MYO7A: variants seen among roughly 807,000 people sequenced by gnomAD.
MYO7A encodes myosin VIIA.
MYO7A carries 210 observed loss-of-function variants against 263.8 expected under a neutral mutation model. That is an observed-to-expected ratio of 0.80 (90% confidence interval 0.71 to 0.89). The LOEUF (loss-of-function observed/expected upper bound fraction) is 0.89, where lower values mean the gene tolerates loss of function less well. Among genes scored for constraint, MYO7A ranks in the 40% least tolerant of loss-of-function variants. The pLI is 0.00. For missense variants in MYO7A, 2,820 were observed against 2,968.3 expected, an observed-to-expected ratio of 0.95 and a Z score of 1.16; for synonymous variants, 1,239 against 1,197.3, an observed-to-expected ratio of 1.03 and a Z score of -0.72.
At position 77,183,191 on chromosome 11, in the gene MYO7A, G is replaced by A. The variant is rs1555086093; in HGVS notation, c.3375+34G>A. Reference sequence around the variant, plus strand: ...AGACGCTGGGGGTCTGGCAGCCCAGGGGTGGCTGCCTTAGGTGGCCTAGGC... The same window carrying A: ...AGACGCTGGGGGTCTGGCAGCCCAGAGGTGGCTGCCTTAGGTGGCCTAGGC... On this transcript the variant is annotated intron_variant, in intron 26 of 48. Coordinates refer to ENST00000409709, the MANE Select transcript of MYO7A (RefSeq NM_000260.4). The A allele has an allele frequency of 4.6e-6, 7 of 1,529,846 alleles. No individual in the cohort carries two copies. In the Admixed American group the frequency reaches 5.9e-5, roughly 13 times the overall value. 94.8% of individuals were successfully genotyped at this position (1,529,846 alleles called of 1,614,324 possible).
intron 32 of MYO7A, among the ~76,000 whole-genome samples, chr11:77,197,170 A>T (rs1162049463): frequency 1.3e-5 from 2 of 152,114 alleles, no homozygotes; most frequent in Non-Finnish European, 2.9e-5. Flanking sequence ...GGCCTCCCAC[A>T]TGCTCTGCCT....
At chr11:77,165,220 C>A (rs1023411091) in intron 14 of MYO7A, among the ~76,000 whole-genome samples, 1 of 152,248 alleles carries the variant, frequency 6.6e-6, no homozygotes, top group Non-Finnish European at 1.5e-5. Context: ...AGCACTGGAT[C>A]TCTGTGCTGT....
intron 11 of MYO7A, 37 bp from the exon 12 acceptor site, chr11:77,160,936 G>T (rs1555068116): frequency 1.3e-6 from 2 of 1,574,432 alleles, no homozygotes; most frequent in South Asian, 1.2e-5. Context: ...CCGGGGGAGG[G>T]TGTGGCTGGT....
intron 16 of MYO7A, among the ~76,000 whole-genome samples, chr11:77,174,343 C>G (rs1354208325): frequency 1.3e-5 from 2 of 152,214 alleles, no homozygotes; most frequent in Admixed American, 6.5e-5. Context: ...ACAGCCATAA[C>G]TTGGCCTGGA....
chr11:77,166,012 C>A, intron 14 of MYO7A, 44 bp from the exon 15 acceptor site: 1 of 1,451,302 alleles, frequency 6.9e-7, no homozygotes, highest in Non-Finnish European at 9.6e-7. Flanking sequence ...TTGGGGAGGG[C>A]CTGCCAGAGC....
chr11:77,147,953 G>T lies in MYO7A; in HGVS notation c.285+3G>T, dbSNP rs782441263. 1.3e-6 allele frequency: 2 copies of T among 1,542,780 alleles called. No individual in the cohort carries two copies. Among genetic ancestry groups the T allele is most frequent in the Admixed American group, 3.9e-5 (2 of 50,810 alleles). Reference sequence around the variant, plus strand: ...GCTACCGGGACCACCTCATCTACGTGAGTGCCGCCCCGCCCGGTGCCCGTC... The same window carrying T: ...GCTACCGGGACCACCTCATCTACGTTAGTGCCGCCCCGCCCGGTGCCCGTC... On this transcript the variant is annotated splice_donor_region_variant and intron_variant, in intron 4 of 48. Coordinates refer to ENST00000409709, the MANE Select transcript of MYO7A (RefSeq NM_000260.4).
intron 32 of MYO7A, among the ~76,000 whole-genome samples, chr11:77,196,431 T>G (rs11237112): frequency 6.6e-6 from 1 of 151,840 alleles, no homozygotes; most frequent in African/African-American, 2.4e-5. Context: ...GGGTGAGGAC[T>G]TTAATACGCA....
Position 77,192,190 on chromosome 11 carries a change from AC to A in MYO7A, c.4065del (p.His1355GlnfsTer44), listed in dbSNP as rs111033202. On this transcript the variant is annotated frameshift_variant, in exon 31 of 49. Coordinates refer to ENST00000409709, the MANE Select transcript of MYO7A (RefSeq NM_000260.4). LOFTEE classifies it high-confidence loss of function. ...FFRKEVFTPW[H>X]SPSEDNVATN... ...CGCAAAGAGGTCTTCACGCCCTGGCACAGCCCCTCCGAGGACAACGTGGCCA... is the reference window on the plus strand; with the variant it reads ...CGCAAAGAGGTCTTCACGCCCTGGCAAGCCCCTCCGAGGACAACGTGGCCA... 1.2e-6 allele frequency: 2 copies of A among 1,613,916 alleles called. No homozygotes were observed. The highest frequency in any genetic ancestry group is 1.7e-6 in the Non-Finnish European group (2 of 1,179,906).
At chr11:77,187,044 G>C (rs1229774259) in intron 27 of MYO7A, among the ~76,000 whole-genome samples, 1 of 152,136 alleles carries the variant, frequency 6.6e-6, no homozygotes. Flanking sequence ...TGAGATGGGG[G>C]AATGGCTGGT....
At chr11:77,160,884 C>G (rs1329190329) in intron 11 of MYO7A, 89 bp from the exon 12 acceptor site, 12 of 1,467,036 alleles carry the variant, frequency 8.2e-6, no homozygotes, top group Non-Finnish European at 1.1e-5. Flanking sequence ...CACACAAGGG[C>G]TGGAGCGACA....
At chr11:77,173,492 G>A (rs1555077919) in intron 16 of MYO7A, among the ~76,000 whole-genome samples, 1 of 152,232 alleles carries the variant, frequency 6.6e-6, no homozygotes, top group African/African-American at 2.4e-5. Flanking sequence ...AACAGCCCGT[G>A]AGAAAGGGAC....
intron 15 of MYO7A, among the ~76,000 whole-genome samples, chr11:77,169,015 G>A (rs1320579461): frequency 2.6e-5 from 4 of 152,184 alleles, no homozygotes; most frequent in African/African-American, 7.2e-5. Flanking sequence ...CTCCATAAAC[G>A]TCACATCTTA....
chr11:77,161,980 A>G (rs532206066), intron 12 of MYO7A, 140 bp from the exon 13 acceptor site: 20 of 799,190 alleles, frequency 2.5e-5, no homozygotes, highest in Non-Finnish European at 3.6e-5. Context: ...TGGACTTGAC[A>G]ATTCCCCTCG....
At chr11:77,147,223 C>A (rs1281547090) in intron 3 of MYO7A, among the ~76,000 whole-genome samples, 2 of 152,012 alleles carry the variant, frequency 1.3e-5, no homozygotes, top group South Asian at 4.2e-4. Flanking sequence ...CCTCTGCCCC[C>A]CTCCCCCTAA....
Position 77,161,080 on chromosome 11 carries a change from G to A in MYO7A, c.1308G>A (p.Leu436=), listed in dbSNP as rs369479777. 3.5e-5 allele frequency: 56 copies of A among 1,613,882 alleles called. No homozygotes were observed. Among genetic ancestry groups the A allele is most frequent in the Non-Finnish European group, 4.7e-5 (55 of 1,179,894 alleles). ...ACTCTCGCAGGTCCATCGGCCTCCT[G>A]GACATCTTTGGGTTTGAGAACTTTG... The part of the protein sequence containing the change: ...VKNSRRSIGL[L]DIFGFENFAV... The change falls in exon 12 of 49, where the codon CTG becomes CTA. Residue 436 remains leucine, a synonymous_variant. Coordinates refer to ENST00000409709, the MANE Select transcript of MYO7A (RefSeq NM_000260.4).
chr11:77,189,878 G>A, intron 28 of MYO7A, 142 bp from the exon 29 acceptor site: 2 of 1,340,440 alleles, frequency 1.5e-6, no homozygotes, highest in Non-Finnish European at 2.0e-6. Flanking sequence ...GAAATAGATG[G>A]TGGAGCTGAG....
Position 77,194,493 on chromosome 11 carries a change from G to T in MYO7A, c.4292G>T (p.Trp1431Leu). 2 of 1,606,628 alleles carry T rather than the reference G, an allele frequency of 1.2e-6. No homozygotes were observed. Among genetic ancestry groups the T allele is most frequent in the Non-Finnish European group, 1.7e-6 (2 of 1,176,766 alleles). The change falls in exon 32 of 49, where the codon TGG (tryptophan) becomes TTG (leucine). Residue 1431 changes from tryptophan to leucine, a missense_variant. Physicochemically the swap from Trp to Leu is moderately conservative, Grantham distance 61. Coordinates refer to ENST00000409709, the MANE Select transcript of MYO7A (RefSeq NM_000260.4). ...ACGCCCCTGAAGACGCTGGAGAAGT[G>T]GGCCCAGCTGGCCATCGCCGCCCAC... Reference protein sequence around the residue: ...EITPLKTLEKWAQLAIAAHKK... With the variant: ...EITPLKTLEKLAQLAIAAHKK...
chr11:77,158,483 G>C, intron 9 of MYO7A, 53 bp downstream of exon 9: 1 of 1,565,872 alleles, frequency 6.4e-7, no homozygotes, highest in Non-Finnish European at 8.7e-7. Flanking sequence ...GGGCAGTGCA[G>C]TGCCTTGCTG....
In MYO7A at chr11:77,204,167, C is replaced by T. The variant is rs368749248; in HGVS notation, c.5418C>T (p.Ala1806=). Residue 1806 remains alanine, a synonymous_variant, in exon 39 of 49, where the codon GCC becomes GCT. Transcript: ENST00000409709. The stretch of plus-strand genomic sequence containing the variant: ...AGATCTTTGAGGGTCCCCTGAAAGC[C>T]GAGCCCCTGAAGGACGAGGCATATG... ...TDQIFEGPLK[A]EPLKDEAYVQ... The T allele has an allele frequency of 4.8e-5, 76 of 1,591,178 alleles. No individual in the cohort carries two copies. Among genetic ancestry groups the T allele is most frequent in the East Asian group, 9.2e-5 (4 of 43,488 alleles).
Sources: allele counts gnomAD v4.1 joint callset (sites outside exome capture counted in the v4.1 genomes callset), GRCh38; gene constraint gnomAD v4.1.1; transcripts MANE v1.5; gene names NCBI Gene and HGNC (gene_info 2026-07-23, HGNC 2026-07-21).